The following MOXD1 variants were observed in gnomAD, a reference collection of about 807,000 sequenced individuals.
MOXD1 encodes the protein DBH-like monooxygenase protein 1.
MOXD1 carries 62 observed loss-of-function variants against 66.6 expected under a neutral mutation model. The observed-to-expected ratio is 0.93, with a 90% CI of 0.76 to 1.15. The LOEUF (loss-of-function observed/expected upper bound fraction) is 1.15. Ranked by LOEUF, MOXD1 falls within the 50% of genes most tolerant of loss-of-function variation. The pLI is 0.00. For missense variants in MOXD1, 847 were observed against 754.6 expected (o/e 1.12, Z -1.44); for synonymous variants, 303 against 281.9 (o/e 1.07, Z -0.75).
intron 4 of MOXD1, among the ~76,000 whole-genome samples, chr6:132,338,983 A>G (rs900019708): frequency 6.6e-6 from 1 of 152,254 alleles, no homozygotes; most frequent in Non-Finnish European, 1.5e-5. Context: ...GTAAGTCTAT[A>G]CAAGTAATCC....
chr6:132,397,268 T>A (rs1776903616), intron 1 of MOXD1, among the ~76,000 whole-genome samples: 1 of 152,228 alleles, frequency 6.6e-6, no homozygotes, highest in Non-Finnish European at 1.5e-5. Flanking sequence ...CAAAAGAAAT[T>A]TGTCATTGCG....
chr6:132,336,235 C>T (rs1334911372), intron 4 of MOXD1, among the ~76,000 whole-genome samples: 1 of 152,208 alleles, frequency 6.6e-6, no homozygotes, highest in Non-Finnish European at 1.5e-5. Flanking sequence ...ACTTTTCTTC[C>T]TGCCTGTTCT....
chr6:132,395,862 T>C (rs1265408959), intron 1 of MOXD1, among the ~76,000 whole-genome samples: 1 of 152,210 alleles, frequency 6.6e-6, no homozygotes, highest in East Asian at 1.9e-4. Flanking sequence ...TAAATACATA[T>C]GCACTCAACA....
chr6:132,303,804 CACATGTGTGTGT>C (rs1226489128), intron 10 of MOXD1, among the ~76,000 whole-genome samples: 1 of 75,160 alleles, frequency 1.3e-5, no homozygotes, highest in Non-Finnish European at 2.2e-5. Context: ...TATATACACA[CACATGTGTGTGT>C]GTGTGTGTGT....
intron 1 of MOXD1, among the ~76,000 whole-genome samples, chr6:132,384,128 A>C (rs1287136758): frequency 5.3e-5 from 8 of 152,136 alleles, no homozygotes; most frequent in Non-Finnish European, 7.4e-5. Context: ...TAAATTTTGA[A>C]GTTAAAACTA....
chr6:132,351,717 T>G (rs1221073384), intron 4 of MOXD1, among the ~76,000 whole-genome samples: 1 of 152,158 alleles, frequency 6.6e-6, no homozygotes, highest in Non-Finnish European at 1.5e-5. Context: ...AAAAGATTGG[T>G]ACCAATTCTT....
At chr6:132,329,123 C>G (rs1366447830) in intron 4 of MOXD1, among the ~76,000 whole-genome samples, 1 of 152,140 alleles carries the variant, frequency 6.6e-6, no homozygotes, top group African/African-American at 2.4e-5. Context: ...ACTCTCCCCA[C>G]CCCACGACAG....
intron 4 of MOXD1, among the ~76,000 whole-genome samples, chr6:132,366,370 C>G (rs773269768): frequency 3.9e-5 from 6 of 151,982 alleles, no homozygotes; most frequent in Non-Finnish European, 5.9e-5. Flanking sequence ...CAGTAGTTAA[C>G]AGCAAACACC....
At chr6:132,361,568 G>A (rs1039845838) in intron 4 of MOXD1, among the ~76,000 whole-genome samples, 28 of 152,126 alleles carry the variant, frequency 1.8e-4, no homozygotes, top group African/African-American at 6.7e-4. Context: ...AATCTCCTGG[G>A]AAATTTTAAT....
At chr6:132,346,490 G>T (rs1487787953) in intron 4 of MOXD1, among the ~76,000 whole-genome samples, 1 of 151,856 alleles carries the variant, frequency 6.6e-6, no homozygotes, top group Non-Finnish European at 1.5e-5. Flanking sequence ...ATAGTCTAAA[G>T]GCTAAATCTA....
intron 4 of MOXD1, among the ~76,000 whole-genome samples, chr6:132,371,977 C>T (rs1776270732): frequency 6.6e-6 from 1 of 152,290 alleles, no homozygotes; most frequent in African/African-American, 2.4e-5. Context: ...TTAACAATTA[C>T]TAGCACGGAG....
chr6:132,333,755 C>T (rs370545436), intron 4 of MOXD1, among the ~76,000 whole-genome samples: 6 of 152,314 alleles, frequency 3.9e-5, no homozygotes, highest in Admixed American at 3.3e-4. Context: ...AGAATGGTGA[C>T]AGGCCCGTGA....
Position 132,388,830 on chromosome 6 carries a change from C to T in MOXD1, c.264+12333G>A, listed in dbSNP as rs991029715. On this transcript the variant is annotated intron_variant, in intron 1 of 11. Transcript: ENST00000367963. Reference sequence around the variant, plus strand: ...ATGAAATGAAATAACATTGCTTTGACGCCCTGTGACCACACACAACTGTTA... The same window carrying T: ...ATGAAATGAAATAACATTGCTTTGATGCCCTGTGACCACACACAACTGTTA... 8.6e-5 allele frequency among the ~76,000 whole-genome samples: 13 copies of T among 151,228 alleles called. 2 individuals carry two copies. The highest frequency in any genetic ancestry group is 1.5e-4 in the African/African-American group (6 of 41,332).
At chr6:132,381,489 A>C (rs1776507554) in intron 1 of MOXD1, among the ~76,000 whole-genome samples, 1 of 152,268 alleles carries the variant, frequency 6.6e-6, no homozygotes. Flanking sequence ...ACTTCATAGC[A>C]TTCAACTATT....
intron 11 of MOXD1, 137 bp from the exon 12 acceptor site, chr6:132,297,454 A>G: frequency 1.1e-6 from 1 of 876,926 alleles, no homozygotes; most frequent in Non-Finnish European, 1.8e-6. Context: ...ACACTGGGGG[A>G]GTCAGAAACC....
chr6:132,361,811 A>G (rs1776023674), intron 4 of MOXD1, among the ~76,000 whole-genome samples: 1 of 152,162 alleles, frequency 6.6e-6, no homozygotes, highest in African/African-American at 2.4e-5. Context: ...TTTCTTCATA[A>G]AAGAGATATA....
At chr6:132,401,052 G>A in intron 1 of MOXD1, 111 bp downstream of exon 1, 1 of 1,289,750 alleles carries the variant, frequency 7.8e-7, no homozygotes, top group Non-Finnish European at 1.0e-6. Context: ...GCGGGGCTGC[G>A]CCAGGTGAGA....
intron 1 of MOXD1, among the ~76,000 whole-genome samples, chr6:132,381,527 G>C (rs191664927): frequency 1.3e-5 from 2 of 151,234 alleles, no homozygotes; most frequent in Admixed American, 1.3e-4. Context: ...AAGCCGAAAA[G>C]AAAAGAGGGA....
chr6:132,329,420 C>T (rs932133265), intron 4 of MOXD1, among the ~76,000 whole-genome samples: 9 of 151,980 alleles, frequency 5.9e-5, no homozygotes, highest in Admixed American at 2.0e-4. Flanking sequence ...TGAACAGTGC[C>T]GGAATAAACA....
Sources: gnomAD v4.1 joint callset for allele counts (sites outside exome capture counted in the v4.1 genomes callset) on GRCh38, gnomAD v4.1.1 for gene constraint, MANE v1.5 for transcripts, NCBI Gene and HGNC (gene_info 2026-07-23, HGNC 2026-07-21) for gene names.